PURB: variants seen among roughly 807,000 people sequenced by gnomAD.
PURB encodes transcriptional regulator protein Pur-beta.
In PURB, 11 loss-of-function variants were observed where a neutral mutation model predicts 21.1. The observed-to-expected ratio is 0.52, with a 90% CI of 0.33 to 0.86. The LOEUF is 0.86. Ranked by LOEUF, PURB falls within the 40% of genes least tolerant of loss-of-function variation. The pLI is 0.02. For missense variants in PURB, 357 were observed against 456.5 expected, an observed-to-expected ratio of 0.78 and a Z score of 1.99; for synonymous variants, 246 against 210.8, an observed-to-expected ratio of 1.17 and a Z score of -1.45.
At position 44,880,720 on chromosome 7, in the gene PURB, C is replaced by T. The variant is rs1793863733; in HGVS notation, c.*3690G>A. ...AATCTCTTAAAAGACCTGCAATTTA[C>T]TGCAAAGTAATCCAGAGGTAACAAA... On this transcript the variant is annotated 3_prime_UTR_variant, in exon 1 of 1. Coordinates refer to ENST00000395699, the MANE Select transcript of PURB (RefSeq NM_033224.5). 1 of 152,630 alleles carries T rather than the reference C, an allele frequency of 6.6e-6. No homozygotes were observed. Among genetic ancestry groups the T allele is most frequent in the Non-Finnish European group, 1.5e-5 (1 of 68,026 alleles). The allele number at this position is 152,630 out of a possible 1,614,324, so 9.5% of individuals were successfully genotyped here.
chr7:44,885,277 G>T lies in PURB; in HGVS notation c.72C>A (p.Arg24=), dbSNP rs1331655190. 8 of 1,538,126 alleles carry T rather than the reference G, an allele frequency of 5.2e-6. No homozygotes were observed. The East Asian group carries it at 1.8e-4, about 35-fold the overall frequency. The change falls in exon 1 of 1, where the codon CGC becomes CGA. Residue 24 remains arginine, a synonymous_variant. Coordinates refer to ENST00000395699, the MANE Select transcript of PURB (RefSeq NM_033224.5). ...GGPCGFQPAS[R]GGGEQETQEL... is the part of the protein sequence containing the mutation. The stretch of plus-strand genomic sequence containing the variant: ...CCTGCGTCTCTTGCTCGCCGCCGCC[G>T]CGGGACGCGGGCTGGAACCCGCACG...
Position 44,884,579 on chromosome 7 carries a change from G to A in PURB, c.770C>T (p.Ala257Val). 6.2e-7 allele frequency: 1 copy of A among 1,614,182 alleles called. No individual in the cohort carries two copies. Among genetic ancestry groups the A allele is most frequent in the Non-Finnish European group, 8.5e-7 (1 of 1,180,042 alleles). Reference sequence around the variant, plus strand: ...CCAGGCTTTGAAGGGTACGGTGATGGCATTGCGGTAGGACGGCTTCACCTC... The same window carrying A: ...CCAGGCTTTGAAGGGTACGGTGATGACATTGCGGTAGGACGGCTTCACCTC... ...VSEVKPSYRN[A>V]ITVPFKAWGK... Residue 257 changes from alanine to valine, a missense_variant, in exon 1 of 1, where the codon GCC becomes GTC. Coordinates refer to ENST00000395699, the MANE Select transcript of PURB (RefSeq NM_033224.5).
rs1296466901 is a variant in PURB at position 44,884,720 on chromosome 7, C to T, written c.629G>A (p.Gly210Asp). 2 of 1,612,624 alleles carry T rather than the reference C, an allele frequency of 1.2e-6. No individual in the cohort carries two copies. Among genetic ancestry groups the T allele is most frequent in the East Asian group, 2.2e-5 (1 of 44,878 alleles). ...LAGGPGGGAG[G>D]PGGGLYGELP... ...CTCTCCATACAGGCCGCCCCCTGGG[C>T]CCCCGGCGCCGCCTCCCGGGCCGCC... Residue 210 changes from glycine to aspartate, a missense_variant, in exon 1 of 1, where the codon GGC (glycine) becomes GAC (aspartate). Gly to Asp is a moderately conservative substitution (Grantham distance 94). Coordinates refer to ENST00000395699, the MANE Select transcript of PURB (RefSeq NM_033224.5).
At position 44,880,215 on chromosome 7, in the gene PURB, T is replaced by C. The variant is rs1392835704; in HGVS notation, c.*4195A>G. 5.8e-5 allele frequency: 7 copies of C among 120,204 alleles called. No homozygotes were observed. Among genetic ancestry groups the C allele is most frequent in the Non-Finnish European group, 1.1e-4 (6 of 55,584 alleles). 7.4% of individuals were successfully genotyped at this position (120,204 alleles called of 1,614,324 possible). A position where few individuals can be genotyped will look rare whatever the true frequency, so the allele number is the denominator to read the frequency against. ...ATCAAAAAGGAGACCGATCACTATA[T>C]ACCAAGAGTGCTGCAGAAAGACAAA... is the stretch of plus-strand genomic sequence containing the variant. On this transcript the variant is annotated 3_prime_UTR_variant, in exon 1 of 1. Transcript: ENST00000395699.
At position 44,885,079 on chromosome 7, in the gene PURB, G is replaced by T; in HGVS notation, c.270C>A (p.Phe90Leu). The T allele has an allele frequency of 1.3e-6, 2 of 1,577,704 alleles. No homozygotes were observed. Among genetic ancestry groups the T allele is most frequent in the Non-Finnish European group, 1.7e-6 (2 of 1,166,546 alleles). Residue 90 changes from phenylalanine (F) to leucine (L), a missense_variant, in exon 1 of 1, where the codon TTC becomes TTA. By Grantham distance (22) the Phe-to-Leu change is conservative. Transcript: ENST00000395699. ...AAEFRDSLGD[F>L]IEHYAQLGPS... ...GGCCCAGCTGCGCGTAGTGTTCTAT[G>T]AAGTCGCCCAGCGAGTCGCGGAACT...
rs1431498645 is a variant in PURB, at chr7:44,878,410, T to A, written c.*6000A>T. On this transcript the variant is annotated 3_prime_UTR_variant, in exon 1 of 1. Coordinates refer to ENST00000395699, the MANE Select transcript of PURB (RefSeq NM_033224.5). ...GACACTTAAAGTATAATTATACTTT[T>A]TTATTAAACTGTTAGAATCATCTAT... The A allele has an allele frequency of 6.6e-6, 1 of 152,256 alleles. No individual in the cohort carries two copies. The highest frequency in any genetic ancestry group is 1.5e-5 in the Non-Finnish European group (1 of 68,042). 9.4% of individuals were successfully genotyped at this position (152,256 alleles called of 1,614,324 possible).
chr7:44,885,380 G>GCCGCGCTCGCGCCC lies in PURB; in HGVS notation c.-46_-33dup. On this transcript the variant is annotated 5_prime_UTR_variant, in exon 1 of 1. Transcript: ENST00000395699. ...GGCCGCCGCCTCGCCGCCACCGCCC[G>GCCGCGCTCGCGCCC]CCGCGCTCGCGCCCCCGCCCTCCGG... 2.1e-6 allele frequency: 2 copies of GCCGCGCTCGCGCCC among 938,356 alleles called. No individual in the cohort carries two copies. The highest frequency in any genetic ancestry group is 2.6e-6 in the Non-Finnish European group (2 of 761,500). The allele number at this position is 938,356 out of a possible 1,614,324, so 58.1% of individuals were successfully genotyped here.
rs1265740545 is a variant in PURB at position 44,878,814 on chromosome 7, G to A, written c.*5596C>T. 1 of 152,390 alleles carries A rather than the reference G, an allele frequency of 6.6e-6. No homozygotes were observed. Among genetic ancestry groups the A allele is most frequent in the Non-Finnish European group, 1.5e-5 (1 of 68,018 alleles). The allele number at this position is 152,390 out of a possible 1,614,324, so 9.4% of individuals were successfully genotyped here. A position where few individuals can be genotyped will look rare whatever the true frequency, so the allele number is the denominator to read the frequency against. On this transcript the variant is annotated 3_prime_UTR_variant, in exon 1 of 1. Transcript: ENST00000395699. ...ATAATTGGACAATTTTCAAGTAAGA[G>A]TCTGTTAAATCCGTCAGTAATAAAA...
chr7:44,880,767 G>A lies in PURB; in HGVS notation c.*3643C>T, dbSNP rs908751467. The stretch of plus-strand genomic sequence containing the variant: ...CAAAGGAAGCAGGAGGTTAACGGCT[G>A]CCTGCACCAAAAGCCTCTCAATCAT... On this transcript the variant is annotated 3_prime_UTR_variant, in exon 1 of 1. Transcript: ENST00000395699. 1.3e-5 allele frequency: 2 copies of A among 152,786 alleles called. No individual in the cohort carries two copies. The highest frequency in any genetic ancestry group is 3.9e-4 in the East Asian group (2 of 5,194). The allele number at this position is 152,786 out of a possible 1,614,324, so 9.5% of individuals were successfully genotyped here.
At position 44,884,362 on chromosome 7, in the gene PURB, C is replaced by T; in HGVS notation, c.*48G>A. The T allele has an allele frequency of 6.3e-7, 1 of 1,588,502 alleles. No individual in the cohort carries two copies. On this transcript the variant is annotated 3_prime_UTR_variant, in exon 1 of 1. Transcript: ENST00000395699. The stretch of plus-strand genomic sequence containing the variant: ...ATGAGCAGGAAAGGGAATTCTCTAG[C>T]CAAGGGGATGGTGGTTGGGTGGAGG...
At position 44,884,843 on chromosome 7, in the gene PURB, C is replaced by G; in HGVS notation, c.506G>C (p.Gly169Ala). The change falls in exon 1 of 1, where the codon GGC becomes GCC. Residue 169 changes from glycine to alanine, a missense_variant. Coordinates refer to ENST00000395699, the MANE Select transcript of PURB (RefSeq NM_033224.5). Reference protein sequence around the residue: ...AGPGPGGLQSGQTIALPAQGL... With the variant: ...AGPGPGGLQSAQTIALPAQGL... ...CTGCGCAGGCAGCGCGATGGTCTGG[C>G]CGCTCTGCAAGCCGCCCGGCCCGGG... 3 of 1,569,024 alleles carry G rather than the reference C, an allele frequency of 1.9e-6. No homozygotes were observed. Among genetic ancestry groups the G allele is most frequent in the Non-Finnish European group, 2.6e-6 (3 of 1,158,484 alleles).
Position 44,884,865 on chromosome 7 carries a change from C to G in PURB, c.484G>C (p.Gly162Arg), listed in dbSNP as rs963157478. 4 of 1,557,744 alleles carry G rather than the reference C, an allele frequency of 2.6e-6. No homozygotes were observed. The highest frequency in any genetic ancestry group is 3.5e-6 in the Non-Finnish European group (4 of 1,153,878). ...RGGGGFGAGP[G>R]PGGLQSGQTI... ...TGGCCGCTCTGCAAGCCGCCCGGCC[C>G]GGGGCCCGCGCCGAAGCCGCCACCG... The change falls in exon 1 of 1, where the codon GGG becomes CGG. Residue 162 changes from glycine to arginine, a missense_variant. Coordinates refer to ENST00000395699, the MANE Select transcript of PURB (RefSeq NM_033224.5).
At position 44,878,768 on chromosome 7, in the gene PURB, C is replaced by G. The variant is rs950375292; in HGVS notation, c.*5642G>C. On this transcript the variant is annotated 3_prime_UTR_variant, in exon 1 of 1. Coordinates refer to ENST00000395699, the MANE Select transcript of PURB (RefSeq NM_033224.5). ...GCGATTTTATTATTTTTTCATTTTCCAAATCTAATTTTCAGTACTGATAAT... is the reference window on the plus strand; with the variant it reads ...GCGATTTTATTATTTTTTCATTTTCGAAATCTAATTTTCAGTACTGATAAT... 1 of 152,440 alleles carries G rather than the reference C, an allele frequency of 6.6e-6. No homozygotes were observed. Among genetic ancestry groups the G allele is most frequent in the African/African-American group, 2.4e-5 (1 of 41,400 alleles). The allele number at this position is 152,440 out of a possible 1,614,324, so 9.4% of individuals were successfully genotyped here. A position where few individuals can be genotyped will look rare whatever the true frequency, so the allele number is the denominator to read the frequency against.
rs564620254 is a variant in PURB at position 44,882,757 on chromosome 7, G to C, written c.*1653C>G. ...TGGAGGCGGGGTTACTTGCCTCCTG[G>C]TTGAGAAGGTGTCACACAAAGAATA... On this transcript the variant is annotated 3_prime_UTR_variant, in exon 1 of 1. Coordinates refer to ENST00000395699, the MANE Select transcript of PURB (RefSeq NM_033224.5). The C allele has an allele frequency of 9.9e-5, 15 of 152,178 alleles. No individual in the cohort carries two copies. The highest frequency in any genetic ancestry group is 2.2e-4 in the Non-Finnish European group (15 of 68,026). 9.4% of individuals were successfully genotyped at this position (152,178 alleles called of 1,614,324 possible).
At position 44,884,724 on chromosome 7, in the gene PURB, C is replaced by G; in HGVS notation, c.625G>C (p.Gly209Arg). Residue 209 changes from glycine (G) to arginine (R), a missense_variant, in exon 1 of 1, where the codon GGG becomes CGG. Transcript: ENST00000395699. Reference sequence around the variant, plus strand: ...CCATACAGGCCGCCCCCTGGGCCCCCGGCGCCGCCTCCCGGGCCGCCTGCC... The same window carrying G: ...CCATACAGGCCGCCCCCTGGGCCCCGGGCGCCGCCTCCCGGGCCGCCTGCC... ...ELAGGPGGGA[G>R]GPGGGLYGEL... 4 of 1,612,660 alleles carry G rather than the reference C, an allele frequency of 2.5e-6. No individual in the cohort carries two copies. Among genetic ancestry groups the G allele is most frequent in the Non-Finnish European group, 3.4e-6 (4 of 1,179,724 alleles).
At position 44,885,306 on chromosome 7, in the gene PURB, CACCGCCGCCGCCGCGCTCGCT is replaced by C; in HGVS notation, c.22_42del (p.Ser8_Gly14del). 7.2e-7 allele frequency: 1 copy of C among 1,392,704 alleles called. No homozygotes were observed. The highest frequency in any genetic ancestry group is 9.3e-7 in the Non-Finnish European group (1 of 1,080,916). 86.3% of individuals were successfully genotyped at this position (1,392,704 alleles called of 1,614,324 possible). ...GACGCGGGCTGGAACCCGCACGGCC[CACCGCCGCCGCCGCGCTCGCT>C]GCCGCTGTCGCCGTCCGCCATCTTC... On this transcript the variant is annotated inframe_deletion, in exon 1 of 1. Coordinates refer to ENST00000395699, the MANE Select transcript of PURB (RefSeq NM_033224.5).
In PURB at chr7:44,883,447, T is replaced by A. The variant is rs753274043; in HGVS notation, c.*963A>T. 3 of 152,596 alleles carry A rather than the reference T, an allele frequency of 2.0e-5. No individual in the cohort carries two copies. Among genetic ancestry groups the A allele is most frequent in the Non-Finnish European group, 4.4e-5 (3 of 68,042 alleles). The allele number at this position is 152,596 out of a possible 1,614,324, so 9.5% of individuals were successfully genotyped here. ...CTGGCTCACACAGTGGAGATCTGGC[T>A]CTCATTCATACCAAAGCATTTCTTG... On this transcript the variant is annotated 3_prime_UTR_variant, in exon 1 of 1. Coordinates refer to ENST00000395699, the MANE Select transcript of PURB (RefSeq NM_033224.5).
chr7:44,885,009 C>G lies in PURB; in HGVS notation c.340G>C (p.Gly114Arg). 5.8e-6 allele frequency: 9 copies of G among 1,544,360 alleles called. No individual in the cohort carries two copies. Among genetic ancestry groups the G allele is most frequent in the Non-Finnish European group, 7.8e-6 (9 of 1,147,198 alleles). The change falls in exon 1 of 1, where the codon GGG (glycine) becomes CGG (arginine). Residue 114 changes from glycine (G) to arginine (R), a missense_variant. Coordinates refer to ENST00000395699, the MANE Select transcript of PURB (RefSeq NM_033224.5). The stretch of plus-strand genomic sequence containing the variant: ...TCGCTCTTGAGCGCGCGCCGCGGCC[C>G]GCCGCCCTCCTCGGCGCCAGCCGCC... ...QLAAGAEEGG[G>R]PRRALKSEFL...
Position 44,880,759 on chromosome 7 carries a change from T to A in PURB, c.*3651A>T, listed in dbSNP as rs1793864817. 6.6e-6 allele frequency: 1 copy of A among 152,656 alleles called. No individual in the cohort carries two copies. Among genetic ancestry groups the A allele is most frequent in the South Asian group, 2.1e-4 (1 of 4,834 alleles). 9.5% of individuals were successfully genotyped at this position (152,656 alleles called of 1,614,324 possible). A position where few individuals can be genotyped will look rare whatever the true frequency, so the allele number is the denominator to read the frequency against. ...AGAGGTAACAAAGGAAGCAGGAGGT[T>A]AACGGCTGCCTGCACCAAAAGCCTC... On this transcript the variant is annotated 3_prime_UTR_variant, in exon 1 of 1. Transcript: ENST00000395699.
Sources: gnomAD v4.1 joint callset for allele counts on GRCh38, gnomAD v4.1.1 for gene constraint, MANE v1.5 for transcripts, NCBI Gene and HGNC (gene_info 2026-07-23, HGNC 2026-07-21) for gene names.